The following TRIO variants were observed in gnomAD, a reference collection of about 807,000 sequenced individuals.
The protein encoded by TRIO is trio Rho guanine nucleotide exchange factor, also known as triple functional domain protein.
Under a neutral mutation model 351.9 loss-of-function variants are expected in TRIO, and 58 were observed. That is an observed-to-expected ratio of 0.16 (90% CI 0.13 to 0.21). The LOEUF (loss-of-function observed/expected upper bound fraction) is 0.21. TRIO is among the 10% of genes least tolerant of loss of function. The probability of loss-of-function intolerance (pLI) is 1.00; values close to 1 mark genes in which losing one functional copy is unlikely to be tolerated. For missense variants in TRIO, 3,201 were observed against 4,027.8 expected (o/e 0.79, Z 5.56); for synonymous variants, 1,758 against 1,595.7 (o/e 1.10, Z -2.42).
intron 1 of TRIO, among the ~76,000 whole-genome samples, chr5:14,175,968 A>G (rs993565961): frequency 6.6e-6 from 1 of 152,238 alleles, no homozygotes; most frequent in African/African-American, 2.4e-5. Flanking sequence ...GAGAATACCA[A>G]ATATCAACCA....
At chr5:14,441,325 A>G (rs1038207534) in intron 34 of TRIO, 8 of 154,216 alleles carry the variant, frequency 5.2e-5, no homozygotes, top group African/African-American at 1.9e-4. Flanking sequence ...AGCGGCGGGC[A>G]GCCGGGCACC....
chr5:14,335,022 CGTGTGT>C (rs144645388), intron 10 of TRIO, among the ~76,000 whole-genome samples: 1 of 150,590 alleles, frequency 6.6e-6, no homozygotes, highest in Non-Finnish European at 1.5e-5. Flanking sequence ...AGATCTGTCT[CGTGTGT>C]GTGTGTGTGT....
chr5:14,498,050 C>T (rs780205561), intron 51 of TRIO, 39 bp from the exon 52 acceptor site: 10 of 1,613,578 alleles, frequency 6.2e-6, no homozygotes, highest in Non-Finnish European at 8.5e-6. Context: ...GAGGAGGAGC[C>T]AGGGCTGATG....
intron 1 of TRIO, among the ~76,000 whole-genome samples, chr5:14,262,477 A>G (rs1214696065): frequency 6.6e-6 from 1 of 152,202 alleles, no homozygotes; most frequent in Non-Finnish European, 1.5e-5. Context: ...GAGGGACTGT[A>G]GTTGCGGGCA....
intron 33 of TRIO, among the ~76,000 whole-genome samples, chr5:14,410,811 A>G (rs1749135825): frequency 6.6e-6 from 1 of 152,196 alleles, no homozygotes; most frequent in Non-Finnish European, 1.5e-5. Flanking sequence ...TCCAGGGAGC[A>G]CTGTCAGCAG....
chr5:14,499,053 T>A (rs1025764729), intron 53 of TRIO: 2 of 154,458 alleles, frequency 1.3e-5, no homozygotes, highest in Non-Finnish European at 2.7e-5. Context: ...TGGTCTCATG[T>A]AGAATGTGCA....
At chr5:14,214,400 C>T (rs1004379918) in intron 1 of TRIO, among the ~76,000 whole-genome samples, 12 of 152,134 alleles carry the variant, frequency 7.9e-5, no homozygotes, top group Non-Finnish European at 7.4e-5. Flanking sequence ...AGATGTTTGA[C>T]CACACACTGA....
At chr5:14,320,440 A>G (rs1739777705) in intron 9 of TRIO, among the ~76,000 whole-genome samples, 1 of 152,056 alleles carries the variant, frequency 6.6e-6, no homozygotes, top group Non-Finnish European at 1.5e-5. Flanking sequence ...TGCTTTCCTG[A>G]AGCCTACTGA....
chr5:14,491,715 T>A (rs892311735), intron 48 of TRIO, among the ~76,000 whole-genome samples: 4 of 152,214 alleles, frequency 2.6e-5, no homozygotes, highest in African/African-American at 9.7e-5. Context: ...GTTGAGTTCC[T>A]GCTGCATGTC....
At chr5:14,197,673 G>A (rs141739108) in intron 1 of TRIO, among the ~76,000 whole-genome samples, 21 of 152,300 alleles carry the variant, frequency 1.4e-4, no homozygotes, top group Admixed American at 2.6e-4. Flanking sequence ...AAAGACATGA[G>A]ACTCCTGGGT....
At chr5:14,226,773 A>G (rs1793063144) in intron 1 of TRIO, among the ~76,000 whole-genome samples, 1 of 139,740 alleles carries the variant, frequency 7.2e-6, no homozygotes, top group South Asian at 2.3e-4. Context: ...CCTGAAGTGG[A>G]GGTGCTGGGT....
intron 56 of TRIO, 40 bp downstream of exon 56, chr5:14,507,300 C>T (rs767604453): frequency 7.5e-6 from 12 of 1,606,634 alleles, no homozygotes; most frequent in South Asian, 5.5e-5. Flanking sequence ...GGTCTGAGCA[C>T]ACCGGCTTGG....
At chr5:14,263,143 C>G (rs1315415702) in intron 1 of TRIO, among the ~76,000 whole-genome samples, 1 of 152,148 alleles carries the variant, frequency 6.6e-6, no homozygotes, top group Non-Finnish European at 1.5e-5. Flanking sequence ...CGCTCTGGCC[C>G]TGATTTTTCC....
chr5:14,307,252 C>G (rs1487553059), intron 8 of TRIO, among the ~76,000 whole-genome samples: 1 of 152,172 alleles, frequency 6.6e-6, no homozygotes, highest in Non-Finnish European at 1.5e-5. Context: ...ACCATTGATA[C>G]AACATGACCA....
chr5:14,283,970 A>G (rs779405160), intron 3 of TRIO, among the ~76,000 whole-genome samples: 4 of 152,084 alleles, frequency 2.6e-5, no homozygotes, highest in Non-Finnish European at 4.4e-5. Flanking sequence ...TTTAATACTA[A>G]TTATGTTCTA....
At position 14,496,908 on chromosome 5, in the gene TRIO, G is replaced by A. The variant is rs373487081; in HGVS notation, c.7910G>A (p.Arg2637His). The A allele has an allele frequency of 9.3e-6, 15 of 1,614,040 alleles. No homozygotes were observed. The African/African-American group carries it at 1.2e-4, about 13-fold the overall frequency. The change falls in exon 50 of 57, where the codon CGT becomes CAT. Residue 2637 changes from arginine (R) to histidine (H), a missense_variant. Coordinates refer to ENST00000344204, the MANE Select transcript of TRIO (RefSeq NM_007118.4). The part of the protein sequence containing the change: ...KKSTSWHTAL[R>H]LRKKSEKKDK... ...TCAACATCTTGGCACACAGCACTCC[G>A]TTTAAGGAAAAAATCTGAGAAAAAA...
intron 11 of TRIO, among the ~76,000 whole-genome samples, chr5:14,356,677 T>C (rs969292952): frequency 1.3e-5 from 2 of 152,206 alleles, no homozygotes; most frequent in African/African-American, 4.8e-5. Context: ...CCCAAATGTT[T>C]ACAGCAGCTT....
chr5:14,491,718 T>A (rs570897377), intron 48 of TRIO, among the ~76,000 whole-genome samples: 33 of 152,310 alleles, frequency 2.2e-4, no homozygotes, highest in Middle Eastern at 3.4e-3. Context: ...GAGTTCCTGC[T>A]GCATGTCAGC....
rs533448258 is a variant in TRIO, at chr5:14,438,648, G to A, written c.5203+18627G>A. On this transcript the variant is annotated intron_variant, in intron 34 of 56. Transcript: ENST00000344204. ...TTCAGATTCTCAGACCAGATCCCTG[G>A]CCATGCCACCATGGTAGAAATAGGC... Among the ~76,000 whole-genome samples, 7 of 152,298 alleles carry A rather than the reference G, an allele frequency of 4.6e-5. No individual in the cohort carries two copies. In the South Asian group the frequency reaches 1.4e-3, roughly 32 times the overall value.
Sources: allele counts gnomAD v4.1 joint callset (sites outside exome capture counted in the v4.1 genomes callset), GRCh38; gene constraint gnomAD v4.1.1; transcripts MANE v1.5; gene names NCBI Gene and HGNC (gene_info 2026-07-23, HGNC 2026-07-21).